The following CDK14 variants were observed in gnomAD, a reference collection of about 807,000 sequenced individuals.
The protein encoded by CDK14 is cyclin dependent kinase 14, also known as cyclin-dependent kinase 14.
A neutral mutation model predicts 60.7 loss-of-function variants in CDK14; 34 were observed. The observed-to-expected ratio is 0.56, with a 90% CI of 0.43 to 0.75. The LOEUF (loss-of-function observed/expected upper bound fraction) is 0.75, where lower values mean the gene tolerates loss of function less well. CDK14 is among the 30% of genes least tolerant of loss of function. The pLI, the probability that CDK14 is intolerant of heterozygous loss-of-function variation, is 0.00. For missense variants in CDK14, 482 were observed against 564.1 expected (o/e 0.85, Z 1.47); for synonymous variants, 197 against 203.7 (o/e 0.97, Z 0.28).
intron 2 of CDK14, among the ~76,000 whole-genome samples, chr7:90,651,594 T>G (rs1800643773): frequency 6.6e-6 from 1 of 152,214 alleles, no homozygotes; most frequent in Admixed American, 6.5e-5. Flanking sequence ...TGCTTTCCAT[T>G]GAGTGGAACA....
At position 91,103,148 on chromosome 7, in the gene CDK14, G is replaced by T. The variant is rs185112644; in HGVS notation, c.1155-9394G>T. 4.0e-3 allele frequency among the ~76,000 whole-genome samples: 614 copies of T among 152,154 alleles called. 4 individuals carry two copies. The highest frequency in any genetic ancestry group is 0.014 in the African/African-American group (588 of 41,508). On this transcript the variant is annotated intron_variant, in intron 12 of 14. Transcript: ENST00000380050. Reference sequence around the variant, plus strand: ...TGCACCTGTAATCCCAGCTACCCAGGAGGCTGAGGCAGGAGAATCGCTGGA... The same window carrying T: ...TGCACCTGTAATCCCAGCTACCCAGTAGGCTGAGGCAGGAGAATCGCTGGA...
At chr7:91,057,724 G>A (rs533720813) in intron 11 of CDK14, among the ~76,000 whole-genome samples, 6 of 152,188 alleles carry the variant, frequency 3.9e-5, no homozygotes, top group South Asian at 2.1e-4. Context: ...GTAGATATGC[G>A]ACATTATTTC....
intron 14 of CDK14, among the ~76,000 whole-genome samples, chr7:91,156,320 CT>C (rs1254166104): frequency 6.6e-6 from 1 of 152,138 alleles, no homozygotes; most frequent in African/African-American, 2.4e-5. Context: ...ATTTTTAAAT[CT>C]CTTCATTAAA....
chr7:90,932,558 C>T (rs556808187), intron 8 of CDK14, among the ~76,000 whole-genome samples: 34 of 152,226 alleles, frequency 2.2e-4, no homozygotes, highest in African/African-American at 7.5e-4. Flanking sequence ...CATTACATCT[C>T]CCAGATTTAC....
At chr7:90,704,228 A>C (rs1243474579) in intron 2 of CDK14, among the ~76,000 whole-genome samples, 1 of 152,222 alleles carries the variant, frequency 6.6e-6, no homozygotes, top group Non-Finnish European at 1.5e-5. Context: ...GCTTCTTGAC[A>C]ACCTTAACAA....
intron 5 of CDK14, among the ~76,000 whole-genome samples, chr7:90,840,141 C>T (rs2117141726): frequency 6.6e-6 from 1 of 152,280 alleles, no homozygotes; most frequent in South Asian, 2.1e-4. Context: ...AGCTGTCGGA[C>T]TTTCAAGCTA....
intron 12 of CDK14, among the ~76,000 whole-genome samples, chr7:91,090,583 A>G (rs993628774): frequency 1.1e-4 from 17 of 152,308 alleles, no homozygotes; most frequent in Non-Finnish European, 2.4e-4. Flanking sequence ...GTGTTTTACC[A>G]TAATGTGTTG....
intron 2 of CDK14, among the ~76,000 whole-genome samples, chr7:90,628,237 G>A (rs1005393225): frequency 2.6e-5 from 4 of 152,136 alleles, no homozygotes; most frequent in Non-Finnish European, 4.4e-5. Flanking sequence ...GATTACAGGC[G>A]TGAGCCACCG....
At chr7:91,138,461 A>G (rs1344370338) in intron 14 of CDK14, among the ~76,000 whole-genome samples, 1 of 152,160 alleles carries the variant, frequency 6.6e-6, no homozygotes, top group Admixed American at 6.5e-5. Flanking sequence ...TAGTGAAGAA[A>G]GTTTAATAAA....
At position 90,955,803 on chromosome 7, in the gene CDK14, C is replaced by T. The variant is rs2117566556; in HGVS notation, c.933C>T (p.Thr311=). ...DVLLGSTEYS[T]CLDMWGVGCI... ...TTCTAGGCTCAACAGAATATTCCAC[C>T]TGCCTTGACATGTGGTGAGAAATGG... Residue 311 remains threonine, a synonymous_variant, in exon 9 of 15, where the codon ACC becomes ACT. Coordinates refer to ENST00000380050, the MANE Select transcript of CDK14 (RefSeq NM_001287135.2). 2 of 1,613,172 alleles carry T rather than the reference C, an allele frequency of 1.2e-6. No homozygotes were observed. The highest frequency in any genetic ancestry group is 2.2e-5 in the South Asian group (2 of 91,072).
chr7:90,801,924 C>T (rs1229889668), intron 5 of CDK14, among the ~76,000 whole-genome samples: 1 of 152,092 alleles, frequency 6.6e-6, no homozygotes, highest in African/African-American at 2.4e-5. Flanking sequence ...AGGACATCTG[C>T]CAAAAGAGAA....
At chr7:90,873,083 A>G (rs1005301344) in intron 6 of CDK14, among the ~76,000 whole-genome samples, 1 of 152,140 alleles carries the variant, frequency 6.6e-6, no homozygotes, top group Admixed American at 6.5e-5. Context: ...TTATGGCCAT[A>G]TGTCTTAAGA....
intron 10 of CDK14, among the ~76,000 whole-genome samples, chr7:91,033,099 G>T (rs968745500): frequency 6.6e-6 from 1 of 152,172 alleles, no homozygotes; most frequent in Non-Finnish European, 1.5e-5. Context: ...TTGGCCTCAA[G>T]TTTGCAGCTG....
intron 10 of CDK14, among the ~76,000 whole-genome samples, chr7:90,986,791 C>G (rs1410139842): frequency 6.6e-6 from 1 of 151,794 alleles, no homozygotes; most frequent in Non-Finnish European, 1.5e-5. Flanking sequence ...AATAGTATAA[C>G]CAAATTATAT....
chr7:90,777,194 G>T (rs1805086386), intron 4 of CDK14, among the ~76,000 whole-genome samples: 1 of 152,110 alleles, frequency 6.6e-6, no homozygotes, highest in Non-Finnish European at 1.5e-5. Flanking sequence ...TGGATGATGT[G>T]CTGTTGCTGG....
chr7:91,058,926 GT>G, intron 11 of CDK14, among the ~76,000 whole-genome samples: 1 of 152,212 alleles, frequency 6.6e-6, no homozygotes. Context: ...CATAAAATGA[GT>G]TAGGGAGGAT....
At chr7:91,163,089 C>T (rs1584148878) in intron 14 of CDK14, among the ~76,000 whole-genome samples, 1 of 152,212 alleles carries the variant, frequency 6.6e-6, no homozygotes, top group Non-Finnish European at 1.5e-5. Flanking sequence ...TCACACCACT[C>T]CCAATAGTGA....
At chr7:90,794,795 C>T (rs987012729) in intron 5 of CDK14, among the ~76,000 whole-genome samples, 3 of 152,152 alleles carry the variant, frequency 2.0e-5, no homozygotes, top group African/African-American at 7.2e-5. Flanking sequence ...TAAAGACAGG[C>T]ATAGGAAATC....
chr7:90,597,137 G>A (rs1222456535), intron 1 of CDK14: 2 of 176,398 alleles, frequency 1.1e-5, no homozygotes, highest in Non-Finnish European at 2.4e-5. Context: ...TTGGTGAAAC[G>A]TTAGACTGTG....
Sources: allele counts gnomAD v4.1 joint callset (sites outside exome capture counted in the v4.1 genomes callset), GRCh38; gene constraint gnomAD v4.1.1; transcripts MANE v1.5; gene names NCBI Gene and HGNC (gene_info 2026-07-23, HGNC 2026-07-21).